RBM34: variants seen among roughly 807,000 people sequenced by gnomAD.
The protein encoded by RBM34 is RNA binding motif protein 34.
RBM34 carries 39 observed loss-of-function variants against 44.6 expected under a neutral mutation model. The observed-to-expected ratio is 0.87, with a 90% confidence interval of 0.68 to 1.14. The LOEUF (loss-of-function observed/expected upper bound fraction) is 1.14, where lower values mean the gene tolerates loss of function less well. Ranked by LOEUF, RBM34 falls within the 50% of genes most tolerant of loss-of-function variation. The pLI, the probability that RBM34 is intolerant of heterozygous loss-of-function variation, is 0.00. For synonymous variants in RBM34, 194 were observed against 184.0 expected (o/e 1.05, Z -0.44); for missense variants, 572 against 517.9 (o/e 1.10, Z -1.01).
Position 235,160,995 on chromosome 1 carries a change from T to A in RBM34, c.126A>T (p.Leu42Phe). ...CTCTGGAATGGTGTTCGCCGCGAAA[T>A]AAGCTACTGGCGACCTGTCCAAGCC... is the stretch of plus-strand genomic sequence containing the variant. ...DYRLGQVASS[L>F]FRGEHHSRGG... is the part of the protein sequence containing the mutation. Residue 42 changes from leucine (L) to phenylalanine (F), a missense_variant, in exon 2 of 11, where the codon TTA becomes TTT. Coordinates refer to ENST00000408888, the MANE Select transcript of RBM34 (RefSeq NM_015014.4). 6.2e-7 allele frequency: 1 copy of A among 1,614,064 alleles called. No homozygotes were observed. The highest frequency in any genetic ancestry group is 8.5e-7 in the Non-Finnish European group (1 of 1,180,016).
chr1:235,152,624 T>A (rs1367637375), intron 5 of RBM34, 82 bp downstream of exon 5: 5 of 1,558,954 alleles, frequency 3.2e-6, no homozygotes, highest in Non-Finnish European at 4.3e-6. Context: ...TGCTTCACCA[T>A]CTCACTAACA....
At chr1:235,159,007 G>C (rs984042653) in intron 3 of RBM34, among the ~76,000 whole-genome samples, 2 of 150,966 alleles carry the variant, frequency 1.3e-5, no homozygotes, top group Non-Finnish European at 2.9e-5. Flanking sequence ...GAGTCCAGCA[G>C]TTTGCGACCA....
At position 235,148,845 on chromosome 1, in the gene RBM34, A is replaced by G. The variant is rs200644651; in HGVS notation, c.658-398T>C. On this transcript the variant is annotated intron_variant, in intron 5 of 10. Coordinates refer to ENST00000408888, the MANE Select transcript of RBM34 (RefSeq NM_015014.4). The stretch of plus-strand genomic sequence containing the variant: ...GATCTCCTGACCTCGTGATCCGCCC[A>G]CCTTGGCCTCCCAAAGTGCTGGGAT... Among the ~76,000 whole-genome samples, 77 of 151,824 alleles carry G rather than the reference A, an allele frequency of 5.1e-4. No homozygotes were observed. In the East Asian group the frequency reaches 0.012, roughly 23 times the overall value.
At chr1:235,144,798 T>C (rs921112173) in intron 6 of RBM34, among the ~76,000 whole-genome samples, 3 of 152,108 alleles carry the variant, frequency 2.0e-5, no homozygotes, top group Admixed American at 6.5e-5. Flanking sequence ...ATCCCAGCAC[T>C]TTGGGAGGCC....
At chr1:235,152,998 T>G (rs1662230483) in intron 4 of RBM34, among the ~76,000 whole-genome samples, 1 of 146,878 alleles carries the variant, frequency 6.8e-6, no homozygotes, top group South Asian at 2.1e-4. Context: ...GCCTCCCAAG[T>G]AGCTGGGATT....
At chr1:235,160,441 A>G in intron 3 of RBM34, 70 bp downstream of exon 3, 2 of 1,504,996 alleles carry the variant, frequency 1.3e-6, no homozygotes, top group Non-Finnish European at 1.8e-6. Flanking sequence ...AAACTGACGA[A>G]TATTCCAAGT....
At chr1:235,155,860 T>TATATATATATATAC in intron 3 of RBM34, among the ~76,000 whole-genome samples, 1 of 39,864 alleles carries the variant, frequency 2.5e-5, no homozygotes, top group South Asian at 1.1e-3. Context: ...TATATATATA[T>TATATATATATATAC]ATATATACAT....
At chr1:235,159,869 C>CA (rs397983303) in intron 3 of RBM34, among the ~76,000 whole-genome samples, 100,496 of 140,036 alleles carry the variant, frequency 0.72, 36,056 homozygotes, top group African/African-American at 0.85. Context: ...AACTCCGTCT[C>CA]AAAAAAAAAA....
intron 6 of RBM34, among the ~76,000 whole-genome samples, chr1:235,140,579 C>G (rs1004476049): frequency 1.3e-5 from 2 of 152,220 alleles, no homozygotes; most frequent in African/African-American, 2.4e-5. Context: ...CCTCCCACCC[C>G]CTCCATGGGC....
At chr1:235,157,488 G>A (rs1401967766) in intron 3 of RBM34, among the ~76,000 whole-genome samples, 2 of 152,106 alleles carry the variant, frequency 1.3e-5, no homozygotes, top group African/African-American at 4.8e-5. Flanking sequence ...TCCCAGTGGA[G>A]CATTCTTACC....
intron 4 of RBM34, 104 bp from the exon 5 acceptor site, chr1:235,152,869 G>A (rs1662222855): frequency 3.4e-6 from 3 of 886,194 alleles, no homozygotes; most frequent in Non-Finnish European, 4.8e-6. Flanking sequence ...CTACTGCCAG[G>A]CTTTTTTTTT....
intron 3 of RBM34, among the ~76,000 whole-genome samples, chr1:235,159,888 G>A (rs992468925): frequency 6.7e-6 from 1 of 149,674 alleles, no homozygotes; most frequent in Non-Finnish European, 1.5e-5. Flanking sequence ...AAAAAGAAAC[G>A]CAAACCAAAT....
At position 235,131,654 on chromosome 1, in the gene RBM34, A is replaced by G. The variant is rs1661201032; in HGVS notation, c.*59T>C. 1 of 1,485,306 alleles carries G rather than the reference A, an allele frequency of 6.7e-7. No homozygotes were observed. Among genetic ancestry groups the G allele is most frequent in the South Asian group, 1.3e-5 (1 of 74,884 alleles). 92.0% of individuals were successfully genotyped at this position (1,485,306 alleles called of 1,614,324 possible). A position where few individuals can be genotyped will look rare whatever the true frequency, so the allele number is the denominator to read the frequency against. On this transcript the variant is annotated 3_prime_UTR_variant, in exon 11 of 11. Transcript: ENST00000408888. Reference sequence around the variant, plus strand: ...ATGAATAGCAGACGATGCTATCAGCAGATAATAGCACTTTTATTAGCAGTA... The same window carrying G: ...ATGAATAGCAGACGATGCTATCAGCGGATAATAGCACTTTTATTAGCAGTA...
intron 10 of RBM34, among the ~76,000 whole-genome samples, chr1:235,134,109 C>T (rs1661317440): frequency 6.6e-6 from 1 of 152,142 alleles, no homozygotes; most frequent in Non-Finnish European, 1.5e-5. Flanking sequence ...GCAGCCTCGA[C>T]CTCCCAAGGT....
intron 3 of RBM34, 173 bp downstream of exon 3, chr1:235,160,338 T>C (rs1662649332): frequency 1.2e-6 from 1 of 810,442 alleles, no homozygotes; most frequent in Non-Finnish European, 2.1e-6. Context: ...TTGCTGATGC[T>C]GAGTACACGG....
intron 3 of RBM34, among the ~76,000 whole-genome samples, chr1:235,159,030 T>C (rs571579491): frequency 1.3e-5 from 2 of 150,958 alleles, no homozygotes; most frequent in Admixed American, 6.6e-5. Context: ...CTGGGCAACA[T>C]GGCAAAATCC....
At position 235,142,882 on chromosome 1, in the gene RBM34, C is replaced by T. The variant is rs192533320; in HGVS notation, c.702-4708G>A. Among the ~76,000 whole-genome samples the T allele has an allele frequency of 2.8e-4, 40 of 141,858 alleles. 1 individual carries two copies. In the East Asian group the frequency reaches 6.6e-3, roughly 24 times the overall value. The allele number at this position is 141,858 out of a possible 152,430, so 93.1% of individuals were successfully genotyped here. ...GGCGGAGGTTGCAGTGAGCTGGGAT[C>T]GCACCACTGCACTCCAGCCTGGTGA... On this transcript the variant is annotated intron_variant, in intron 6 of 10. Transcript: ENST00000408888.
chr1:235,146,059 G>C (rs1249917898), intron 6 of RBM34, among the ~76,000 whole-genome samples: 1 of 137,162 alleles, frequency 7.3e-6, no homozygotes, highest in Admixed American at 8.6e-5. Flanking sequence ...TCCACTTCCT[G>C]AGCTCAGGTG....
chr1:235,137,020 T>G (rs943227986), intron 8 of RBM34, among the ~76,000 whole-genome samples: 1 of 152,160 alleles, frequency 6.6e-6, no homozygotes, highest in Non-Finnish European at 1.5e-5. Flanking sequence ...CAGGGTAAGG[T>G]CTATCTCCTC....
Sources: allele counts gnomAD v4.1 joint callset (sites outside exome capture counted in the v4.1 genomes callset), GRCh38; gene constraint gnomAD v4.1.1; transcripts MANE v1.5; gene names NCBI Gene and HGNC (gene_info 2026-07-23, HGNC 2026-07-21).